Variants in ZBTB20 observed in about 807,000 individuals in gnomAD.
ZBTB20 encodes zinc finger and BTB domain containing 20, also known as zinc finger and BTB domain-containing protein 20.
In ZBTB20, 9 loss-of-function variants were observed where a neutral mutation model predicts 56.9. The ratio of observed to expected loss-of-function variants is 0.16; its 90% CI spans 0.10 to 0.28. The LOEUF (loss-of-function observed/expected upper bound fraction) is 0.28. Ranked by LOEUF, ZBTB20 falls within the 10% of genes least tolerant of loss-of-function variation. ZBTB20 has a pLI of 1.00. For missense variants in ZBTB20, 655 were observed against 1,003.0 expected (o/e 0.65, Z 4.69); for synonymous variants, 417 against 420.7 (o/e 0.99, Z 0.11).
intron 3 of ZBTB20, among the ~76,000 whole-genome samples, chr3:114,966,870 C>T (rs2077668445): frequency 6.6e-6 from 1 of 152,000 alleles, no homozygotes; most frequent in South Asian, 2.1e-4. Flanking sequence ...AAAAAGTACA[C>T]TCAAACATAC....
chr3:114,936,272 G>A (rs1315496151), intron 3 of ZBTB20, among the ~76,000 whole-genome samples: 1 of 152,122 alleles, frequency 6.6e-6, no homozygotes, highest in East Asian at 1.9e-4. Context: ...ACACATGCAT[G>A]CACGCACACA....
intron 4 of ZBTB20, among the ~76,000 whole-genome samples, chr3:114,880,270 A>T (rs1220347555): frequency 6.6e-6 from 1 of 152,228 alleles, no homozygotes; most frequent in Admixed American, 6.5e-5. Context: ...CGCCTTTGAA[A>T]GTGCAAGTTT....
intron 7 of ZBTB20, among the ~76,000 whole-genome samples, chr3:114,475,980 G>C (rs1204322452): frequency 6.6e-6 from 1 of 151,882 alleles, no homozygotes; most frequent in African/African-American, 2.4e-5. Context: ...CTGAATATTA[G>C]AGAAATATTA....
intron 6 of ZBTB20, among the ~76,000 whole-genome samples, chr3:114,643,688 G>A (rs2059681101): frequency 6.6e-6 from 1 of 152,028 alleles, no homozygotes; most frequent in African/African-American, 2.4e-5. Context: ...TTCCCCAGAG[G>A]TATTGAAATT....
intron 4 of ZBTB20, among the ~76,000 whole-genome samples, chr3:114,843,967 G>T (rs569627041): frequency 1.3e-5 from 2 of 152,008 alleles, no homozygotes; most frequent in Admixed American, 1.3e-4. Flanking sequence ...GATTACAGGC[G>T]TGAGCCACCG....
intron 5 of ZBTB20, among the ~76,000 whole-genome samples, chr3:114,787,142 T>C (rs994914611): frequency 4.0e-5 from 6 of 151,524 alleles, no homozygotes; most frequent in Non-Finnish European, 7.4e-5. Flanking sequence ...GCCTAGTCAA[T>C]TAAAAATTTT....
intron 6 of ZBTB20, among the ~76,000 whole-genome samples, chr3:114,599,533 T>C (rs976268122): frequency 7.2e-5 from 11 of 152,134 alleles, no homozygotes; most frequent in Admixed American, 7.2e-4. Context: ...AGTATCTTAT[T>C]TGCCTTTTGG....
intron 3 of ZBTB20, among the ~76,000 whole-genome samples, chr3:114,931,763 A>G (rs1489445335): frequency 6.6e-6 from 1 of 151,924 alleles, no homozygotes; most frequent in Non-Finnish European, 1.5e-5. Context: ...ATTGGTTCAT[A>G]TGTCAAGTTG....
At chr3:114,829,886 G>A (rs904232335) in intron 4 of ZBTB20, among the ~76,000 whole-genome samples, 2 of 151,648 alleles carry the variant, frequency 1.3e-5, no homozygotes, top group Non-Finnish European at 2.9e-5. Flanking sequence ...ATTTCATGTT[G>A]ACTTTCCTTG....
At position 114,332,457 on chromosome 3, in the gene ZBTB20, T is replaced by TACAC. The variant is rs1173295390; in HGVS notation, c.*6547_*6548insGTGT. 2.0e-5 allele frequency: 3 copies of TACAC among 152,220 alleles called. No homozygotes were observed. The highest frequency in any genetic ancestry group is 4.8e-5 in the African/African-American group (2 of 41,444). The allele number at this position is 152,220 out of a possible 1,614,324, so 9.4% of individuals were successfully genotyped here. ...TTGCATTTTATAGGATTCTATTTAG[T>TACAC]AATATGATGTCTATTTTACATTCAG... On this transcript the variant is annotated 3_prime_UTR_variant, in exon 12 of 12. Coordinates refer to ENST00000675478, the MANE Select transcript of ZBTB20 (RefSeq NM_001348800.3).
intron 4 of ZBTB20, among the ~76,000 whole-genome samples, chr3:114,845,739 C>T (rs567354530): frequency 6.6e-6 from 1 of 152,146 alleles, no homozygotes; most frequent in South Asian, 2.1e-4. Flanking sequence ...TCCAGCAATC[C>T]CATTTTACCA....
chr3:114,392,978 C>T (rs999264886), intron 7 of ZBTB20, among the ~76,000 whole-genome samples: 5 of 152,164 alleles, frequency 3.3e-5, no homozygotes, highest in African/African-American at 1.2e-4. Flanking sequence ...ATGTTAGCTC[C>T]AATACTACAA....
At chr3:114,817,874 A>T (rs1374270383) in intron 4 of ZBTB20, among the ~76,000 whole-genome samples, 1 of 152,196 alleles carries the variant, frequency 6.6e-6, no homozygotes, top group Non-Finnish European at 1.5e-5. Flanking sequence ...ACATGGGGAA[A>T]GCAAGTTAGA....
chr3:114,456,271 T>C (rs1306567818), intron 7 of ZBTB20, among the ~76,000 whole-genome samples: 3 of 152,074 alleles, frequency 2.0e-5, no homozygotes, highest in African/African-American at 7.2e-5. Context: ...AAGTCTTTAA[T>C]TCATTCTAGG....
At chr3:114,358,023 T>C (rs1456910509) in intron 10 of ZBTB20, among the ~76,000 whole-genome samples, 1 of 147,682 alleles carries the variant, frequency 6.8e-6, no homozygotes, top group Non-Finnish European at 1.5e-5. Context: ...TTTAGCAAAC[T>C]TTGTTTTACT....
At chr3:114,666,817 A>AC (rs2108128434) in intron 6 of ZBTB20, among the ~76,000 whole-genome samples, 1 of 152,148 alleles carries the variant, frequency 6.6e-6, no homozygotes, top group African/African-American at 2.4e-5. Context: ...GATAGGACAG[A>AC]CTACAGAGAA....
chr3:115,102,064 C>T (rs2083601170), intron 1 of ZBTB20, among the ~76,000 whole-genome samples: 1 of 152,176 alleles, frequency 6.6e-6, no homozygotes. Flanking sequence ...ACCTACAGCA[C>T]AGACATTAGA....
At chr3:114,901,143 G>A (rs1459993112) in intron 3 of ZBTB20, among the ~76,000 whole-genome samples, 3 of 151,878 alleles carry the variant, frequency 2.0e-5, no homozygotes, top group Non-Finnish European at 2.9e-5. Context: ...GGTGGCTCAC[G>A]CCTGTAATCC....
chr3:114,580,499 A>G (rs2054536600), intron 6 of ZBTB20, among the ~76,000 whole-genome samples: 1 of 151,782 alleles, frequency 6.6e-6, no homozygotes, highest in South Asian at 2.1e-4. Flanking sequence ...TAGTAATGCA[A>G]TATGACAGGA....
Sources: gnomAD v4.1 joint callset for allele counts (sites outside exome capture counted in the v4.1 genomes callset) on GRCh38, gnomAD v4.1.1 for gene constraint, MANE v1.5 for transcripts, NCBI Gene and HGNC (gene_info 2026-07-23, HGNC 2026-07-21) for gene names.